LRRC75A: variants seen among roughly 807,000 people sequenced by gnomAD.
LRRC75A encodes the protein leucine rich repeat containing 75A, also known as leucine-rich repeat-containing protein 75A.
Under a neutral mutation model 26.0 loss-of-function variants are expected in LRRC75A, and 12 were observed. The ratio of observed to expected loss-of-function variants is 0.46; its 90% CI spans 0.30 to 0.75. The LOEUF (loss-of-function observed/expected upper bound fraction) is 0.75, where lower values mean the gene tolerates loss of function less well. Ranked by LOEUF, LRRC75A falls within the 30% of genes least tolerant of loss-of-function variation. LRRC75A has a pLI of 0.08. For missense variants in LRRC75A, 410 were observed against 486.6 expected, an observed-to-expected ratio of 0.84 and a Z score of 1.48; for synonymous variants, 223 against 219.3, an observed-to-expected ratio of 1.02 and a Z score of -0.15.
intron 2 of LRRC75A, among the ~76,000 whole-genome samples, chr17:16,460,524 G>A (rs1056376349): frequency 6.6e-6 from 1 of 152,030 alleles, no homozygotes; most frequent in African/African-American, 2.4e-5. Context: ...GGGGCAGGTT[G>A]GGGAGGGAGG....
intron 2 of LRRC75A, among the ~76,000 whole-genome samples, chr17:16,451,754 C>G (rs1047264564): frequency 6.7e-6 from 1 of 150,336 alleles, no homozygotes; most frequent in Non-Finnish European, 1.5e-5. Context: ...GCTTTTTTTT[C>G]TTTTTTTTGA....
chr17:16,469,009 G>C (rs1009967853), intron 1 of LRRC75A, among the ~76,000 whole-genome samples: 2 of 152,338 alleles, frequency 1.3e-5, no homozygotes, highest in Admixed American at 6.5e-5. Context: ...CATGTGTCTA[G>C]TGGCGGATCT....
At chr17:16,485,084 G>A (rs1200540280) in intron 1 of LRRC75A, among the ~76,000 whole-genome samples, 3 of 151,986 alleles carry the variant, frequency 2.0e-5, no homozygotes, top group South Asian at 2.1e-4. Context: ...CCTGCTTGGC[G>A]CGCCAAGGTC....
At chr17:16,447,711 C>A in intron 3 of LRRC75A, 134 bp downstream of exon 3, 1 of 636,612 alleles carries the variant, frequency 1.6e-6, no homozygotes, top group Non-Finnish European at 2.7e-6. Context: ...ATCCTCCTTC[C>A]ATCTTACCTC....
intron 3 of LRRC75A, among the ~76,000 whole-genome samples, chr17:16,445,037 C>T (rs537445742): frequency 2.0e-4 from 30 of 149,008 alleles, no homozygotes; most frequent in Non-Finnish European, 3.7e-4. Flanking sequence ...TTAGTAGAGA[C>T]GGGGTTTCAC....
intron 1 of LRRC75A, among the ~76,000 whole-genome samples, chr17:16,476,863 C>T (rs1241350687): frequency 5.3e-5 from 8 of 151,534 alleles, no homozygotes; most frequent in Middle Eastern, 6.8e-3. Context: ...CTCAGCCTCC[C>T]AAGTAGCTGG....
At chr17:16,471,910 T>G (rs1476212969) in intron 1 of LRRC75A, among the ~76,000 whole-genome samples, 1 of 152,018 alleles carries the variant, frequency 6.6e-6, no homozygotes, top group Non-Finnish European at 1.5e-5. Context: ...TTGCTGGGAC[T>G]GGGGAAGGGG....
At chr17:16,471,926 C>G (rs1323441938) in intron 1 of LRRC75A, among the ~76,000 whole-genome samples, 1 of 151,868 alleles carries the variant, frequency 6.6e-6, no homozygotes, top group Non-Finnish European at 1.5e-5. Context: ...AGGGGGAATT[C>G]GTGTTGGGTG....
rs749572198 is a variant in LRRC75A, at chr17:16,462,251, AC to A, written c.375+6del. ...GACCTGGCTGGCTCGGACCACAGCC[AC>A]CCTACCGGCTTGGGACAGTGGATGT... is the stretch of plus-strand genomic sequence containing the variant. On this transcript the variant is annotated splice_donor_region_variant and intron_variant, in intron 2 of 3. Transcript: ENST00000470794. The surrounding 1 kb of genome is among the most constrained non-coding windows in gnomAD (Gnocchi z 4.6). 6.2e-7 allele frequency: 1 copy of A among 1,613,820 alleles called. No individual in the cohort carries two copies. Among genetic ancestry groups the A allele is most frequent in the Non-Finnish European group, 8.5e-7 (1 of 1,179,906 alleles).
At chr17:16,476,954 G>A (rs576623365) in intron 1 of LRRC75A, among the ~76,000 whole-genome samples, 9 of 151,308 alleles carry the variant, frequency 5.9e-5, no homozygotes, top group Non-Finnish European at 1.2e-4. Flanking sequence ...TAGCCAGGAT[G>A]GTCTCAATCT....
chr17:16,479,354 A>G (rs890563433), intron 1 of LRRC75A, among the ~76,000 whole-genome samples: 8 of 152,218 alleles, frequency 5.3e-5, no homozygotes, highest in Admixed American at 3.3e-4. Context: ...TGTGCCCAAG[A>G]AGATGCATGG....
chr17:16,451,847 C>T (rs1300625819), intron 2 of LRRC75A, among the ~76,000 whole-genome samples: 1 of 151,082 alleles, frequency 6.6e-6, no homozygotes, highest in Non-Finnish European at 1.5e-5. Context: ...CGGGTTCACG[C>T]CATTCTCCTG....
chr17:16,489,310 C>G (rs2093852727), intron 1 of LRRC75A, among the ~76,000 whole-genome samples: 1 of 152,172 alleles, frequency 6.6e-6, no homozygotes, highest in Non-Finnish European at 1.5e-5. Context: ...CTCCCTGGTT[C>G]TGTGCCTGCT....
At position 16,447,942 on chromosome 17, in the gene LRRC75A, C is replaced by A. The variant is rs926419401; in HGVS notation, c.394G>T (p.Ala132Ser). The stretch of plus-strand genomic sequence containing the variant: ...AGCTGCCGGCACAGCTTCTCCATGG[C>A]GCCCAGTGCATCGCCTTCCTGCAGA... ...CPKPEGDALG[A>S]MEKLCRQLTY... Residue 132 changes from alanine (A) to serine (S), a missense_variant, in exon 3 of 4, where the codon GCC becomes TCC. By Grantham distance (99) the Ala-to-Ser change is moderately conservative. Coordinates refer to ENST00000470794, the MANE Select transcript of LRRC75A (RefSeq NM_001113567.3). The A allele has an allele frequency of 6.4e-7, 1 of 1,551,024 alleles. No homozygotes were observed. The highest frequency in any genetic ancestry group is 2.4e-5 in the East Asian group (1 of 40,912).
chr17:16,451,536 T>C (rs1200508120), intron 2 of LRRC75A, among the ~76,000 whole-genome samples: 1 of 150,688 alleles, frequency 6.6e-6, no homozygotes, highest in East Asian at 2.0e-4. Flanking sequence ...GCAGGAGAAT[T>C]GTTTGAACCC....
intron 1 of LRRC75A, among the ~76,000 whole-genome samples, chr17:16,466,901 C>A (rs1449561543): frequency 6.6e-6 from 1 of 152,106 alleles, no homozygotes; most frequent in Non-Finnish European, 1.5e-5. Flanking sequence ...CCCTTAAGAC[C>A]ATTTTAGGGG....
At position 16,468,662 on chromosome 17, in the gene LRRC75A, A is replaced by C. The variant is rs183015491; in HGVS notation, c.247-6276T>G. On this transcript the variant is annotated intron_variant, in intron 1 of 3. Coordinates refer to ENST00000470794, the MANE Select transcript of LRRC75A (RefSeq NM_001113567.3). ...ACAGTAAACAGTGTGAATGTACTTA[A>C]CACCACTGAGCTGTATGCTTAAAGA... Among the ~76,000 whole-genome samples, 254 of 152,322 alleles carry C rather than the reference A, an allele frequency of 1.7e-3. 1 individual carries two copies. Among genetic ancestry groups the C allele is most frequent in the African/African-American group, 5.9e-3 (245 of 41,572 alleles).
intron 2 of LRRC75A, among the ~76,000 whole-genome samples, chr17:16,458,054 C>T (rs931670177): frequency 3.3e-5 from 5 of 152,064 alleles, no homozygotes; most frequent in Admixed American, 1.3e-4. Flanking sequence ...CCTGTAATCC[C>T]AGCACTTTGG....
chr17:16,470,127 TG>T (rs1351530193), intron 1 of LRRC75A, among the ~76,000 whole-genome samples: 1 of 152,140 alleles, frequency 6.6e-6, no homozygotes, highest in Non-Finnish European at 1.5e-5. Context: ...TGTCTTTTTT[TG>T]GTGCATCGTC....
Sources: gnomAD v4.1 joint callset for allele counts (sites outside exome capture counted in the v4.1 genomes callset) on GRCh38, gnomAD v4.1.1 for gene constraint, Gnocchi (gnomAD v3.1) non-coding constraint, MANE v1.5 for transcripts, NCBI Gene and HGNC (gene_info 2026-07-23, HGNC 2026-07-21) for gene names.